The following KCNQ1 variants were observed in gnomAD, a reference collection of about 807,000 sequenced individuals.
The protein encoded by KCNQ1 is potassium voltage-gated channel subfamily KQT member 1.
In KCNQ1, 49 loss-of-function variants were observed where a neutral mutation model predicts 72.4. That is an observed-to-expected ratio of 0.68 (90% CI 0.54 to 0.86). The LOEUF (loss-of-function observed/expected upper bound fraction) is 0.86, where lower values mean the gene tolerates loss of function less well. KCNQ1 is among the 40% of genes least tolerant of loss of function. The pLI, the probability that KCNQ1 is intolerant of heterozygous loss-of-function variation, is 0.00. For synonymous variants in KCNQ1, 450 were observed against 412.6 expected (o/e 1.09, Z -1.10); for missense variants, 790 against 945.1 (o/e 0.84, Z 2.15).
chr11:2,637,628 T>G (rs1849495887), intron 10 of KCNQ1: 1 of 152,250 alleles, frequency 6.6e-6, no homozygotes, highest in African/African-American at 2.4e-5. Context: ...TTGGAATAAG[T>G]GCGATGTGAT....
Position 2,748,310 on chromosome 11 carries a change from G to A in KCNQ1, c.1515-20534G>A, listed in dbSNP as rs1189112552. On this transcript the variant is annotated intron_variant, in intron 11 of 15. Transcript: ENST00000155840. The surrounding 1 kb of genome is among the most constrained non-coding windows in gnomAD (Gnocchi z 6.2). Reference sequence around the variant, plus strand: ...ACCCCCTAGCTCACCCTGGGTCCACGCAGGGCCTGCTCCCAGAGTGAATCC... The same window carrying A: ...ACCCCCTAGCTCACCCTGGGTCCACACAGGGCCTGCTCCCAGAGTGAATCC... 2.0e-5 allele frequency among the ~76,000 whole-genome samples: 3 copies of A among 152,174 alleles called. No individual in the cohort carries two copies. Among genetic ancestry groups the A allele is most frequent in the South Asian group, 2.1e-4 (1 of 4,832 alleles).
rs906999520 is a variant in KCNQ1, at chr11:2,481,339, CTT to C, written c.386+35859_386+35860del. Among the ~76,000 whole-genome samples, 26 of 152,158 alleles carry C rather than the reference CTT, an allele frequency of 1.7e-4. No individual in the cohort carries two copies. The highest frequency in any genetic ancestry group is 6.3e-4 in the African/African-American group (26 of 41,426). The stretch of plus-strand genomic sequence containing the variant: ...TGCCAGCTTTTAGTTTCCTGCTAGT[CTT>C]TTTCTCGGCGTGTGTGTGTGCGCGC... On this transcript the variant is annotated intron_variant, in intron 1 of 15. Coordinates refer to ENST00000155840, the MANE Select transcript of KCNQ1 (RefSeq NM_000218.3). The surrounding 1 kb of genome is among the most constrained non-coding windows in gnomAD (Gnocchi z 4.6).
intron 11 of KCNQ1, among the ~76,000 whole-genome samples, chr11:2,706,509 G>A (rs752662143): frequency 4.6e-5 from 7 of 152,192 alleles, no homozygotes; most frequent in Non-Finnish European, 7.3e-5. Context: ...CAGATCCCTC[G>A]CCCACAGAAA....
At chr11:2,718,604 T>C (rs1187881839) in intron 11 of KCNQ1, among the ~76,000 whole-genome samples, 1 of 152,212 alleles carries the variant, frequency 6.6e-6, no homozygotes, top group Non-Finnish European at 1.5e-5. Flanking sequence ...TGGCCTGGAC[T>C]GTCCAGAAGT....
rs1851175736 is a variant in KCNQ1, at chr11:2,720,012, C to T, written c.1515-48832C>T. Among the ~76,000 whole-genome samples, 1 of 152,246 alleles carries T rather than the reference C, an allele frequency of 6.6e-6. No homozygotes were observed. Among genetic ancestry groups the T allele is most frequent in the Non-Finnish European group, 1.5e-5 (1 of 68,038 alleles). On this transcript the variant is annotated intron_variant, in intron 11 of 15. Transcript: ENST00000155840. This position sits in a 1 kb window ranked among gnomAD's most constrained non-coding sequence, Gnocchi z 5.1. ...GCGGAGGTGGAGCCGCTTCACCATA[C>T]ATGCAAATGTAGCAAACTGCAAAAT...
rs1044072701 is a variant in KCNQ1, at chr11:2,450,732, G to A, written c.386+5248G>A. Among the ~76,000 whole-genome samples, 1 of 152,144 alleles carries A rather than the reference G, an allele frequency of 6.6e-6. No homozygotes were observed. The highest frequency in any genetic ancestry group is 1.5e-5 in the Non-Finnish European group (1 of 68,024). ...CAGACCTCACAGATGCAAAATTATC[G>A]TGGTTGACAAAGGGAGGCGGCTGGT... is the stretch of plus-strand genomic sequence containing the variant. On this transcript the variant is annotated intron_variant, in intron 1 of 15. Coordinates refer to ENST00000155840, the MANE Select transcript of KCNQ1 (RefSeq NM_000218.3). This position sits in a 1 kb window ranked among gnomAD's most constrained non-coding sequence, Gnocchi z 7.9.
In KCNQ1 at chr11:2,642,482, GTT is replaced by G. The variant is rs2133831379; in HGVS notation, c.1394-19476_1394-19475del. 2.5e-6 allele frequency: 1 copy of G among 397,972 alleles called. No homozygotes were observed. Among genetic ancestry groups the G allele is most frequent in the African/African-American group, 2.1e-5 (1 of 48,726 alleles). The allele number at this position is 397,972 out of a possible 1,614,324, so 24.7% of individuals were successfully genotyped here. On this transcript the variant is annotated intron_variant, in intron 10 of 15. Coordinates refer to ENST00000155840, the MANE Select transcript of KCNQ1 (RefSeq NM_000218.3). This position sits in a 1 kb window ranked among gnomAD's most constrained non-coding sequence, Gnocchi z 4.3. ...ATCAATTTATTGATCAGACTGAAGA[GTT>G]TTGATTTTTGTATTTCATGGTATGA...
At chr11:2,847,141 G>T (rs778330123) in intron 15 of KCNQ1, among the ~76,000 whole-genome samples, 1 of 140,812 alleles carries the variant, frequency 7.1e-6, no homozygotes, top group Non-Finnish European at 1.5e-5. Flanking sequence ...AGAGGCACAA[G>T]CCCTGTGCCC....
At chr11:2,610,102 G>A (rs1848954522) in intron 10 of KCNQ1, 1 of 397,488 alleles carries the variant, frequency 2.5e-6, no homozygotes. Flanking sequence ...CTCCTTTGCT[G>A]CTTTCTTTTC....
At chr11:2,841,819 A>T (rs1422552583) in intron 15 of KCNQ1, among the ~76,000 whole-genome samples, 1 of 152,230 alleles carries the variant, frequency 6.6e-6, no homozygotes, top group African/African-American at 2.4e-5. Context: ...CAGTGGGCAG[A>T]GGCTGGTAAA....
rs909307084 is a variant in KCNQ1 at position 2,613,390 on chromosome 11, A to G, written c.1393+24536A>G. 2.5e-6 allele frequency: 1 copy of G among 398,506 alleles called. No homozygotes were observed. The highest frequency in any genetic ancestry group is 3.6e-5 in the East Asian group (1 of 28,068). The allele number at this position is 398,506 out of a possible 1,614,324, so 24.7% of individuals were successfully genotyped here. On this transcript the variant is annotated intron_variant, in intron 10 of 15. Coordinates refer to ENST00000155840, the MANE Select transcript of KCNQ1 (RefSeq NM_000218.3). This position sits in a 1 kb window ranked among gnomAD's most constrained non-coding sequence, Gnocchi z 4.8. Reference sequence around the variant, plus strand: ...GTTGCTGTGATGTGGGTTGCCTCCAATTATTTGCCACTGAAATCCTTGTTG... The same window carrying G: ...GTTGCTGTGATGTGGGTTGCCTCCAGTTATTTGCCACTGAAATCCTTGTTG...
rs1456546443 is a variant in KCNQ1 at position 2,593,119 on chromosome 11, T to G, written c.1393+4265T>G. Reference sequence around the variant, plus strand: ...CTTTCACCACTGACCCTTCCCAAGCTGGTACCATGCCTAACCCATGGTGGG... The same window carrying G: ...CTTTCACCACTGACCCTTCCCAAGCGGGTACCATGCCTAACCCATGGTGGG... On this transcript the variant is annotated intron_variant, in intron 10 of 15. Coordinates refer to ENST00000155840, the MANE Select transcript of KCNQ1 (RefSeq NM_000218.3). This position sits in a 1 kb window ranked among gnomAD's most constrained non-coding sequence, Gnocchi z 6.9. Among the ~76,000 whole-genome samples, 1 of 152,160 alleles carries G rather than the reference T, an allele frequency of 6.6e-6. No individual in the cohort carries two copies. Among genetic ancestry groups the G allele is most frequent in the African/African-American group, 2.4e-5 (1 of 41,450 alleles).
chr11:2,655,730 C>T (rs958475886), intron 10 of KCNQ1: 39 of 389,752 alleles, frequency 1.0e-4, no homozygotes, highest in East Asian at 3.7e-4. Flanking sequence ...GACCTGGCTA[C>T]GACCACAGGT....
At chr11:2,729,324 A>T (rs892374214) in intron 11 of KCNQ1, among the ~76,000 whole-genome samples, 1 of 152,272 alleles carries the variant, frequency 6.6e-6, no homozygotes, top group Admixed American at 6.5e-5. Flanking sequence ...CAATGGGGGT[A>T]ATAAAGTCCC....
chr11:2,472,303 G>GGT (rs1327896322), intron 1 of KCNQ1, among the ~76,000 whole-genome samples: 2 of 151,408 alleles, frequency 1.3e-5, no homozygotes, highest in Non-Finnish European at 2.9e-5. Flanking sequence ...TTTATGTGTG[G>GGT]GTGTGTGTGC....
At chr11:2,574,156 C>G (rs1848382927) in intron 6 of KCNQ1, among the ~76,000 whole-genome samples, 1 of 152,208 alleles carries the variant, frequency 6.6e-6, no homozygotes, top group African/African-American at 2.4e-5. Flanking sequence ...TCCATCCCAT[C>G]TCCCCCCACA....
rs910319483 is a variant in KCNQ1, at chr11:2,818,131, G to T, written c.1795-29636G>T. 1.3e-5 allele frequency among the ~76,000 whole-genome samples: 2 copies of T among 152,192 alleles called. No homozygotes were observed. The highest frequency in any genetic ancestry group is 4.8e-5 in the African/African-American group (2 of 41,442). On this transcript the variant is annotated intron_variant, in intron 15 of 15. Coordinates refer to ENST00000155840, the MANE Select transcript of KCNQ1 (RefSeq NM_000218.3). The surrounding 1 kb of genome is among the most constrained non-coding windows in gnomAD (Gnocchi z 7.2). Reference sequence around the variant, plus strand: ...CTGAGTTCCACAACATCTAAACCCAGTGTCTGCTGGCCCTCAGAGTGGGAG... The same window carrying T: ...CTGAGTTCCACAACATCTAAACCCATTGTCTGCTGGCCCTCAGAGTGGGAG...
In KCNQ1 at chr11:2,828,611, G is replaced by A. The variant is rs919734622; in HGVS notation, c.1795-19156G>A. On this transcript the variant is annotated intron_variant, in intron 15 of 15. Transcript: ENST00000155840. This position sits in a 1 kb window ranked among gnomAD's most constrained non-coding sequence, Gnocchi z 5.3. ...CTCACCCCAGCCCATGAAGCCAGAT[G>A]CTACTGATTCTCAAGCTCAGCTAGA... Among the ~76,000 whole-genome samples, 2 of 152,154 alleles carry A rather than the reference G, an allele frequency of 1.3e-5. No individual in the cohort carries two copies. Among genetic ancestry groups the A allele is most frequent in the Non-Finnish European group, 2.9e-5 (2 of 68,034 alleles).
rs1271854424 is a variant in KCNQ1 at position 2,516,948 on chromosome 11, CT to C, written c.387-10979del. 2.0e-5 allele frequency among the ~76,000 whole-genome samples: 3 copies of C among 152,190 alleles called. No homozygotes were observed. Among genetic ancestry groups the C allele is most frequent in the Non-Finnish European group, 4.4e-5 (3 of 68,030 alleles). On this transcript the variant is annotated intron_variant, in intron 1 of 15. Transcript: ENST00000155840. The surrounding 1 kb of genome is among the most constrained non-coding windows in gnomAD (Gnocchi z 7.0). ...TGGCTGCCCGAGGGTCCCCCAGCACCTGTCCCTCTAGGGCCTCTGAAGGGCT... is the reference window on the plus strand; with the variant it reads ...TGGCTGCCCGAGGGTCCCCCAGCACCGTCCCTCTAGGGCCTCTGAAGGGCT...
Sources: allele counts gnomAD v4.1 joint callset (sites outside exome capture counted in the v4.1 genomes callset), GRCh38; gene constraint gnomAD v4.1.1; non-coding constraint Gnocchi (gnomAD v3.1); transcripts MANE v1.5; gene names NCBI Gene and HGNC (gene_info 2026-07-23, HGNC 2026-07-21).